Variants in SVIL observed in about 807,000 individuals in gnomAD.
SVIL encodes the protein archvillin.
Under a neutral mutation model 240.4 loss-of-function variants are expected in SVIL, and 101 were observed. That is an observed-to-expected ratio of 0.42 (90% CI 0.36 to 0.50). SVIL has a LOEUF of 0.50. Ranked by LOEUF, SVIL falls within the 20% of genes least tolerant of loss-of-function variation. The probability of loss-of-function intolerance (pLI) is 0.01; values close to 1 mark genes in which losing one functional copy is unlikely to be tolerated. For missense variants in SVIL, 2,512 were observed against 2,818.7 expected, an observed-to-expected ratio of 0.89 and a Z score of 2.46; for synonymous variants, 999 against 1,100.0, an observed-to-expected ratio of 0.91 and a Z score of 1.82.
chr10:29,674,167 CA>C (rs532760758), intron 2 of SVIL, among the ~76,000 whole-genome samples: 8 of 148,248 alleles, frequency 5.4e-5, no homozygotes, highest in South Asian at 2.1e-4. Context: ...CTGATTTCTA[CA>C]AAAAAAAAAT....
At chr10:29,654,062 C>T (rs1958923444) in intron 3 of SVIL, among the ~76,000 whole-genome samples, 1 of 152,006 alleles carries the variant, frequency 6.6e-6, no homozygotes, top group Admixed American at 6.6e-5. Context: ...TTAGTATCTA[C>T]TTGTCAATTA....
intron 1 of SVIL, among the ~76,000 whole-genome samples, chr10:29,728,384 T>G (rs1964412668): frequency 6.6e-6 from 1 of 152,218 alleles, no homozygotes; most frequent in Non-Finnish European, 1.5e-5. Context: ...AAAACCAGTT[T>G]CAAAACTGGT....
intron 1 of SVIL, among the ~76,000 whole-genome samples, chr10:29,728,222 C>T (rs1351473011): frequency 1.3e-5 from 2 of 152,056 alleles, no homozygotes; most frequent in Admixed American, 6.6e-5. Flanking sequence ...AAAAAGCCAA[C>T]GTGAATTCTG....
At chr10:29,617,270 T>C (rs1957459574) in intron 1 of SVIL, among the ~76,000 whole-genome samples, 1 of 152,222 alleles carries the variant, frequency 6.6e-6, no homozygotes, top group Non-Finnish European at 1.5e-5. Context: ...ACATTTGTAT[T>C]CTTTTCTGCT....
intron 2 of SVIL, among the ~76,000 whole-genome samples, chr10:29,663,588 T>A (rs1319692389): frequency 6.6e-6 from 1 of 152,184 alleles, no homozygotes; most frequent in Non-Finnish European, 1.5e-5. Flanking sequence ...ACTCCTGACC[T>A]CAAGTGATCT....
Position 29,695,813 on chromosome 10 carries a change from CTCTCCCG to C in SVIL, c.-399-9169_-399-9163del, listed in dbSNP as rs1434500293. On this transcript the variant is annotated intron_variant, in intron 1 of 35. Coordinates refer to the SVIL transcript ENST00000375400. The stretch of plus-strand genomic sequence containing the variant: ...GTCTCCCTCTCCCTCTCCCGTCTCC[CTCTCCCG>C]TCTCCCTCTCCCTCTCCCGTCTCCC... Among the ~76,000 whole-genome samples, 59 of 139,538 alleles carry C rather than the reference CTCTCCCG, an allele frequency of 4.2e-4. 1 individual carries two copies. The highest frequency in any genetic ancestry group is 1.6e-3 in the African/African-American group (57 of 36,696). 91.5% of individuals were successfully genotyped at this position (139,538 alleles called of 152,430 possible).
intron 1 of SVIL, among the ~76,000 whole-genome samples, chr10:29,702,705 C>G (rs997765035): frequency 1.5e-5 from 2 of 132,388 alleles, no homozygotes; most frequent in Non-Finnish European, 3.2e-5. Flanking sequence ...GCTCACAGAC[C>G]TTTGACCTTT....
intron 1 of SVIL, among the ~76,000 whole-genome samples, chr10:29,721,831 G>T (rs973791209): frequency 2.6e-5 from 4 of 152,146 alleles, no homozygotes; most frequent in African/African-American, 9.7e-5. Flanking sequence ...TTGACTTGTG[G>T]CAAAGTTTTA....
intron 1 of SVIL, among the ~76,000 whole-genome samples, chr10:29,704,044 T>G (rs1962715476): frequency 6.6e-6 from 1 of 151,924 alleles, no homozygotes; most frequent in African/African-American, 2.4e-5. Context: ...ATCAAATAAT[T>G]CTCCCGCCTC....
chr10:29,477,607 G>T (rs1281137430), intron 29 of SVIL, among the ~76,000 whole-genome samples: 1 of 152,238 alleles, frequency 6.6e-6, no homozygotes, highest in Non-Finnish European at 1.5e-5. Flanking sequence ...AAGTGATAGG[G>T]GAGCCGGACT....
At chr10:29,629,130 T>G (rs1957987284) in intron 1 of SVIL, among the ~76,000 whole-genome samples, 1 of 152,038 alleles carries the variant, frequency 6.6e-6, no homozygotes. Context: ...GGGAGCTTTA[T>G]TTAGAATGGA....
rs185075095 is a variant in SVIL at position 29,655,354 on chromosome 10, C to T, written c.-201+2615G>A. Among the ~76,000 whole-genome samples, 6 of 152,254 alleles carry T rather than the reference C, an allele frequency of 3.9e-5. No individual in the cohort carries two copies. In the East Asian group the frequency reaches 1.2e-3, roughly 30 times the overall value. ...AAGCCACTGGTGCAAGTCCCAGAGT[C>T]TAAAGGCCGAAGAACCTGGAATTTG... On this transcript the variant is annotated intron_variant, in intron 3 of 35. Transcript: ENST00000375400.
intron 1 of SVIL, among the ~76,000 whole-genome samples, chr10:29,582,328 G>C (rs1955978884): frequency 6.6e-6 from 1 of 152,188 alleles, no homozygotes; most frequent in Non-Finnish European, 1.5e-5. Context: ...TCTTGTGAGG[G>C]GCACATGGCC....
chr10:29,523,973 T>C lies in SVIL; in HGVS notation c.2641A>G (p.Thr881Ala). ...FSPAVNTSVS[T>A]VASTVAPMYA... is the part of the protein sequence containing the mutation. ...ATTGGAGCAACCGTGGATGCTACGGTAGACACTGATGTGTTCACGGCAGGT... is the reference window on the plus strand; with the variant it reads ...ATTGGAGCAACCGTGGATGCTACGGCAGACACTGATGTGTTCACGGCAGGT... Residue 881 changes from threonine (T) to alanine (A), a missense_variant, in exon 15 of 38, where the codon ACC becomes GCC. Around this residue, in one of 3 missense-constraint regions of SVIL, gnomAD observed 1,443 missense variants for 1,486.6 expected, o/e 0.97. Coordinates refer to ENST00000355867, the MANE Select transcript of SVIL (RefSeq NM_021738.3). The C allele has an allele frequency of 6.2e-7, 1 of 1,614,180 alleles. No individual in the cohort carries two copies. Among genetic ancestry groups the C allele is most frequent in the Non-Finnish European group, 8.5e-7 (1 of 1,180,028 alleles).
At chr10:29,665,523 C>G (rs1026969565) in intron 2 of SVIL, among the ~76,000 whole-genome samples, 2 of 152,158 alleles carry the variant, frequency 1.3e-5, no homozygotes, top group Non-Finnish European at 2.9e-5. Flanking sequence ...TGGCCAGGCA[C>G]AGTGGCTCAC....
At chr10:29,492,716 G>A (rs1209971808) in intron 21 of SVIL, among the ~76,000 whole-genome samples, 2 of 152,196 alleles carry the variant, frequency 1.3e-5, no homozygotes, top group African/African-American at 4.8e-5. Flanking sequence ...ACATCAATGA[G>A]AAAGCCCGCA....
chr10:29,736,748 C>T (rs11007722), upstream of SVIL: 27,856 of 152,264 alleles, frequency 0.18, 3,098 homozygotes, highest in East Asian at 0.27. Context: ...GGGCCCGGGC[C>T]GGGGGTGCAC....
Position 29,681,655 on chromosome 10 carries a change from A to T in SVIL, c.-301+4898T>A, listed in dbSNP as rs111679310. On this transcript the variant is annotated intron_variant, in intron 2 of 35. Coordinates refer to the SVIL transcript ENST00000375400. ...AAGTGTGCCTATCTCTTTCCTAATG[A>T]TCACGTCAGAAAAGCAGCCAAAAAG... is the stretch of plus-strand genomic sequence containing the variant. 6.5e-3 allele frequency among the ~76,000 whole-genome samples: 982 copies of T among 152,210 alleles called. 4 individuals are homozygous for T. Among genetic ancestry groups the T allele is most frequent in the Non-Finnish European group, 0.011 (719 of 68,016 alleles).
chr10:29,685,604 T>C (rs1223626572), intron 2 of SVIL, among the ~76,000 whole-genome samples: 4 of 152,268 alleles, frequency 2.6e-5, no homozygotes, highest in Admixed American at 2.6e-4. Flanking sequence ...TTTTTAACAG[T>C]AGCCATTCTG....
Sources: allele counts gnomAD v4.1 joint callset (sites outside exome capture counted in the v4.1 genomes callset), GRCh38; gene constraint gnomAD v4.1.1; regional missense constraint gnomAD v4.1.1; transcripts MANE v1.5; gene names NCBI Gene and HGNC (gene_info 2026-07-23, HGNC 2026-07-21).